The following CCDC14 variants were observed in gnomAD, a reference collection of about 807,000 sequenced individuals.
The protein encoded by CCDC14 is coiled-coil domain containing 14.
Under a neutral mutation model 81.4 loss-of-function variants are expected in CCDC14, and 71 were observed. The observed-to-expected ratio is 0.87, with a 90% CI of 0.72 to 1.06. CCDC14 has a LOEUF of 1.06. CCDC14 is among the 50% of genes least tolerant of loss of function. CCDC14 has a pLI of 0.00. For missense variants in CCDC14, 1,046 were observed against 1,047.3 expected (o/e 1.00, Z 0.02); for synonymous variants, 332 against 364.8 (o/e 0.91, Z 1.03).
At chr3:123,948,300 G>A (rs1216844716) in intron 7 of CCDC14, among the ~76,000 whole-genome samples, 3 of 150,242 alleles carry the variant, frequency 2.0e-5, no homozygotes, top group South Asian at 2.1e-4. Flanking sequence ...GCAGTGGCGC[G>A]ATCTCACTCA....
chr3:123,899,458 C>A (rs2034137285), intron 5 of CCDC14, among the ~76,000 whole-genome samples: 1 of 152,214 alleles, frequency 6.6e-6, no homozygotes, highest in South Asian at 2.1e-4. Flanking sequence ...TTGCCCTCTT[C>A]CCCTCGTCCC....
intron 5 of CCDC14, among the ~76,000 whole-genome samples, chr3:123,901,119 C>G (rs1342624670): frequency 6.6e-6 from 1 of 151,944 alleles, no homozygotes; most frequent in Non-Finnish European, 1.5e-5. Context: ...GTAGTCCCAG[C>G]TACTTGGGAG....
the CCDC14 span, among the ~76,000 whole-genome samples, chr3:123,891,000 C>T: frequency 3.3e-4 from 50 of 152,342 alleles, no homozygotes; most frequent in Middle Eastern, 6.8e-3. Flanking sequence ...TTTTTTACTT[C>T]TGTGTACCTG....
intron 10 of CCDC14, among the ~76,000 whole-genome samples, chr3:123,931,762 AAAAG>A (rs1298293322): frequency 2.6e-5 from 4 of 152,234 alleles, no homozygotes; most frequent in Admixed American, 1.3e-4. Context: ...AAACCCTTTT[AAAAG>A]AAAGAATACA....
intron 1 of CCDC14, among the ~76,000 whole-genome samples, chr3:123,959,905 T>C (rs988943052): frequency 2.0e-5 from 3 of 152,184 alleles, no homozygotes; most frequent in Non-Finnish European, 4.4e-5. Context: ...TTTCCTTCAG[T>C]GGAAGTAATA....
intron 5 of CCDC14, among the ~76,000 whole-genome samples, chr3:123,906,430 G>GAA (rs146524573): frequency 4.3e-4 from 60 of 140,880 alleles, no homozygotes; most frequent in African/African-American, 1.1e-3. Flanking sequence ...ACAAAGAAAT[G>GAA]AAAAAAAAAA....
chr3:123,947,105 A>G lies in CCDC14; in HGVS notation c.899T>C (p.Leu300Pro). Residue 300 changes from leucine to proline, a missense_variant, in exon 8 of 13, where the codon CTA (leucine) becomes CCA (proline). By Grantham distance (98) the Leu-to-Pro change is moderately conservative (BLOSUM62 -3). Coordinates refer to ENST00000409697, the MANE Select transcript of CCDC14 (RefSeq NM_001366335.1). ...AGACAAATATGTTTGAATACATTTTAGTAGGTCTGTTTCCTTATGAATTCC... is the reference window on the plus strand; with the variant it reads ...AGACAAATATGTTTGAATACATTTTGGTAGGTCTGTTTCCTTATGAATTCC... ...QQGIHKETDL[L>P]KCIQTYLSLF... 6.2e-7 allele frequency: 1 copy of G among 1,613,960 alleles called. No homozygotes were observed. The highest frequency in any genetic ancestry group is 8.5e-7 in the Non-Finnish European group (1 of 1,179,876).
At chr3:123,948,564 CA>C (rs879078944) in intron 7 of CCDC14, 126 bp downstream of exon 7, 2,270 of 774,896 alleles carry the variant, frequency 2.9e-3, no homozygotes, top group South Asian at 4.2e-3. Flanking sequence ...ACTTTTATAG[CA>C]AAAAAAAATA....
At chr3:123,928,199 T>TA (rs1008357399) in intron 12 of CCDC14, among the ~76,000 whole-genome samples, 1 of 151,878 alleles carries the variant, frequency 6.6e-6, no homozygotes, top group South Asian at 2.1e-4. Context: ...TGCATTTACT[T>TA]AAAAAAAGAC....
In CCDC14 at chr3:123,948,695, T is replaced by C. The variant is rs2036812318; in HGVS notation, c.680A>G (p.His227Arg). The C allele has an allele frequency of 2.5e-6, 4 of 1,597,922 alleles. No homozygotes were observed. The highest frequency in any genetic ancestry group is 3.4e-6 in the Non-Finnish European group (4 of 1,174,976). Residue 227 changes from histidine (H) to arginine (R), a missense_variant, in exon 7 of 13, where the codon CAT becomes CGT. Coordinates refer to ENST00000409697, the MANE Select transcript of CCDC14 (RefSeq NM_001366335.1). ...LQRPPCPPKV[H>R]SEVQTDGNSQ... ...TAGTATAAGAACTGTACGCACAGAATGAACCTTTGGAGGGCAGGGTGGCCG... is the reference window on the plus strand; with the variant it reads ...TAGTATAAGAACTGTACGCACAGAACGAACCTTTGGAGGGCAGGGTGGCCG...
At chr3:123,916,466 GTT>G (rs1553710972) in intron 12 of CCDC14, among the ~76,000 whole-genome samples, 1,730 of 113,604 alleles carry the variant, frequency 0.015, 18 homozygotes, top group African/African-American at 0.051. Flanking sequence ...TTATATATGT[GTT>G]TGTGTGTGTG....
intron 1 of CCDC14, among the ~76,000 whole-genome samples, chr3:123,960,936 C>T (rs759274392): frequency 1.6e-4 from 24 of 152,314 alleles, no homozygotes; most frequent in Non-Finnish European, 2.6e-4. Flanking sequence ...TAGACTAGGG[C>T]TACGACGATT....
downstream of CCDC14, among the ~76,000 whole-genome samples, chr3:123,910,540 G>C (rs1310345446): frequency 6.6e-6 from 1 of 151,868 alleles, no homozygotes; most frequent in Non-Finnish European, 1.5e-5. Context: ...AGGCAGGCTG[G>C]TGGGATAGAT....
chr3:123,900,083 A>G (rs1703830427), intron 5 of CCDC14, among the ~76,000 whole-genome samples: 1 of 152,200 alleles, frequency 6.6e-6, no homozygotes, highest in Non-Finnish European at 1.5e-5. Context: ...TTTTCTATAT[A>G]TCCAAGCAAT....
intron 12 of CCDC14, among the ~76,000 whole-genome samples, chr3:123,925,204 T>C (rs988718148): frequency 4.6e-5 from 7 of 151,274 alleles, no homozygotes; most frequent in African/African-American, 1.7e-4. Context: ...GACATCCATA[T>C]GTTAAGTGAA....
Position 123,906,345 on chromosome 3 carries a change from AAAAT to A in CCDC14, c.668-8736_668-8733del, listed in dbSNP as rs558961459. Among the ~76,000 whole-genome samples the A allele has an allele frequency of 2.9e-3, 444 of 151,226 alleles. 2 individuals carry two copies. The highest frequency in any genetic ancestry group is 9.7e-3 in the African/African-American group (400 of 41,362). On this transcript the variant is annotated intron_variant, in intron 5 of 5. Coordinates refer to the CCDC14 transcript ENST00000479903. ...ACTCCATCTCCAAAAATAAAAAATTAAAATAAATAAATAAATAAATAAATAAAAA... is the reference window on the plus strand; with the variant it reads ...ACTCCATCTCCAAAAATAAAAAATTAAAATAAATAAATAAATAAATAAAAA...
downstream of CCDC14, among the ~76,000 whole-genome samples, chr3:123,894,609 GTCT>G (rs1277503413): frequency 6.6e-6 from 1 of 152,062 alleles, no homozygotes; most frequent in East Asian, 1.9e-4. Context: ...ATTTATTTAT[GTCT>G]TCTTTAATTT....
chr3:123,933,825 TATCAAAA>T (rs2066738596), intron 9 of CCDC14, 70 bp from the exon 10 acceptor site: 1 of 1,018,338 alleles, frequency 9.8e-7, no homozygotes, highest in Non-Finnish European at 1.5e-6. Flanking sequence ...TGTGATAGCC[TATCAAAA>T]AAGATAAAAC....
chr3:123,932,966 G>T lies in CCDC14; in HGVS notation c.1426+707C>A, dbSNP rs145828019. 2.9e-3 allele frequency among the ~76,000 whole-genome samples: 443 copies of T among 152,214 alleles called. 2 individuals carry two copies. The highest frequency in any genetic ancestry group is 9.8e-3 in the African/African-American group (406 of 41,550). ...ATACAAAAATTAGACAGGCGTGGTG[G>T]CAGGCGCCTATAATCCCAGACACTT... On this transcript the variant is annotated intron_variant, in intron 10 of 12. Coordinates refer to ENST00000409697, the MANE Select transcript of CCDC14 (RefSeq NM_001366335.1).
Sources: gnomAD v4.1 joint callset for allele counts (sites outside exome capture counted in the v4.1 genomes callset) on GRCh38, gnomAD v4.1.1 for gene constraint, MANE v1.5 for transcripts, NCBI Gene and HGNC (gene_info 2026-07-23, HGNC 2026-07-21) for gene names.